FAM169A: variants seen among roughly 807,000 people sequenced by gnomAD.
FAM169A encodes soluble lamin-associated protein of 75 kDa.
Under a neutral mutation model 75.7 loss-of-function variants are expected in FAM169A, and 24 were observed. The observed-to-expected ratio is 0.32, with a 90% confidence interval of 0.23 to 0.45. The LOEUF (loss-of-function observed/expected upper bound fraction) is 0.45. Among genes scored for constraint, FAM169A ranks in the 20% least tolerant of loss-of-function variants. The pLI is 1.00. For missense variants in FAM169A, 673 were observed against 784.0 expected (o/e 0.86, Z 1.69); for synonymous variants, 271 against 271.0 (o/e 1.00, Z 0.00).
At chr5:74,827,183 T>G (rs1228867423) in intron 5 of FAM169A, among the ~76,000 whole-genome samples, 1 of 152,208 alleles carries the variant, frequency 6.6e-6, no homozygotes, top group Non-Finnish European at 1.5e-5. Context: ...GGTTTCTCTG[T>G]GTAAATTTAC....
chr5:74,833,494 A>G (rs977524424), intron 5 of FAM169A, among the ~76,000 whole-genome samples: 2 of 152,200 alleles, frequency 1.3e-5, no homozygotes, highest in Admixed American at 6.5e-5. Context: ...ATTCTTGGGA[A>G]AAAATGACCT....
At position 74,782,936 on chromosome 5, in the gene FAM169A, C is replaced by A; in HGVS notation, c.1459G>T (p.Asp487Tyr). 1 of 1,609,890 alleles carries A rather than the reference C, an allele frequency of 6.2e-7. No individual in the cohort carries two copies. Among genetic ancestry groups the A allele is most frequent in the Middle Eastern group, 1.7e-4 (1 of 5,922 alleles). ...ATAGCTCATTGCCCCCTTACCTTAT[C>A]TGGTGCATCTACCTCAGGGGGTTTT... The part of the protein sequence containing the change: ...SSKPPEVDAP[D>Y]KTPRIPDSEM... Residue 487 changes from aspartate (D) to tyrosine (Y), a missense_variant, in exon 12 of 13, where the codon GAT becomes TAT. Physicochemically the swap from Asp to Tyr is radical, Grantham distance 160 (BLOSUM62 -3). Around this residue, in one of 3 missense-constraint regions of FAM169A, gnomAD observed 510 missense variants for 550.9 expected, o/e 0.93. Coordinates refer to ENST00000687041, the MANE Select transcript of FAM169A (RefSeq NM_001376049.1).
intron 6 of FAM169A, among the ~76,000 whole-genome samples, chr5:74,810,692 G>A (rs1454189445): frequency 7.2e-6 from 1 of 138,468 alleles, no homozygotes; most frequent in East Asian, 2.2e-4. Context: ...AGAGCTTGCA[G>A]TGAGCCGAGT....
intron 1 of FAM169A, among the ~76,000 whole-genome samples, chr5:74,859,535 G>T (rs539707686): frequency 1.3e-5 from 2 of 151,962 alleles, no homozygotes. Flanking sequence ...TGATCCACCC[G>T]CCTTGGCCTC....
At chr5:74,866,713 G>C, upstream of FAM169A, 2 of 977,806 alleles carry the variant, frequency 2.0e-6, no homozygotes, top group Non-Finnish European at 2.4e-6. Flanking sequence ...AGCCGCGGGG[G>C]CTGCAACGCT....
At chr5:74,838,585 G>T (rs955993192) in intron 4 of FAM169A, among the ~76,000 whole-genome samples, 1 of 152,102 alleles carries the variant, frequency 6.6e-6, no homozygotes, top group African/African-American at 2.4e-5. Flanking sequence ...ACACTATATA[G>T]ACCACCTGAA....
intron 1 of FAM169A, among the ~76,000 whole-genome samples, chr5:74,857,034 C>T (rs1055432200): frequency 2.7e-5 from 4 of 147,344 alleles, no homozygotes; most frequent in South Asian, 2.2e-4. Flanking sequence ...GTGTGAATCC[C>T]GGAGCCGGAG....
chr5:74,804,326 A>C (rs1746740653), intron 8 of FAM169A, among the ~76,000 whole-genome samples, 167 bp downstream of exon 8: 1 of 152,202 alleles, frequency 6.6e-6, no homozygotes, highest in Admixed American at 6.5e-5. Flanking sequence ...AGAAAATTAA[A>C]GTCCTTAGTA....
intron 1 of FAM169A, among the ~76,000 whole-genome samples, chr5:74,850,043 G>A (rs559047316): frequency 5.3e-5 from 8 of 152,310 alleles, no homozygotes; most frequent in South Asian, 4.1e-4. Context: ...ATCTTTTGAA[G>A]TTATAACCAC....
intron 5 of FAM169A, among the ~76,000 whole-genome samples, chr5:74,815,577 G>A (rs993672025): frequency 3.3e-5 from 5 of 152,124 alleles, no homozygotes; most frequent in Non-Finnish European, 7.3e-5. Context: ...TGTCAGAGGC[G>A]TTTGAACTAG....
At chr5:74,816,587 C>T (rs899201439) in intron 5 of FAM169A, among the ~76,000 whole-genome samples, 1 of 152,166 alleles carries the variant, frequency 6.6e-6, no homozygotes, top group Non-Finnish European at 1.5e-5. Context: ...CATATTAATA[C>T]TTCTGCTCTC....
intron 1 of FAM169A, among the ~76,000 whole-genome samples, chr5:74,849,430 T>G (rs1341843699): frequency 6.6e-6 from 1 of 152,098 alleles, no homozygotes; most frequent in Non-Finnish European, 1.5e-5. Context: ...CTGCTATTAT[T>G]TGGGGGCTTT....
intron 1 of FAM169A, among the ~76,000 whole-genome samples, chr5:74,847,614 A>G (rs1218993831): frequency 6.6e-6 from 1 of 152,226 alleles, no homozygotes; most frequent in South Asian, 2.1e-4. Context: ...TAAATTTCCT[A>G]TAATTTAAAT....
At chr5:74,809,906 T>TA (rs1466392523) in intron 6 of FAM169A, among the ~76,000 whole-genome samples, 1 of 152,178 alleles carries the variant, frequency 6.6e-6, no homozygotes, top group Non-Finnish European at 1.5e-5. Flanking sequence ...CGAAATGACA[T>TA]AACTACTTAG....
chr5:74,863,725 A>C (rs575865939), intron 1 of FAM169A, among the ~76,000 whole-genome samples: 5 of 152,334 alleles, frequency 3.3e-5, no homozygotes, highest in Middle Eastern at 3.4e-3. Flanking sequence ...TCAAAATCTC[A>C]AGCAACTTCA....
intron 5 of FAM169A, among the ~76,000 whole-genome samples, chr5:74,830,304 C>T (rs1009929353): frequency 1.3e-5 from 2 of 152,078 alleles, no homozygotes; most frequent in African/African-American, 4.8e-5. Flanking sequence ...TCTTCAATGT[C>T]GAACATGATG....
chr5:74,785,328 A>C (rs1184469057), intron 11 of FAM169A, among the ~76,000 whole-genome samples: 1 of 152,254 alleles, frequency 6.6e-6, no homozygotes. Flanking sequence ...CAAAAGAAAA[A>C]AAAGAAAACC....
chr5:74,811,341 G>GT (rs1310142755), intron 6 of FAM169A, among the ~76,000 whole-genome samples: 1 of 152,138 alleles, frequency 6.6e-6, no homozygotes, highest in African/African-American at 2.4e-5. Context: ...ACAGAAGAGA[G>GT]TAAGTGCTAA....
intron 6 of FAM169A, among the ~76,000 whole-genome samples, chr5:74,810,974 AT>A (rs764689046): frequency 0.091 from 9,105 of 99,772 alleles, 906 homozygotes; most frequent in African/African-American, 0.29. Flanking sequence ...CTAGGCCTGG[AT>A]TTTTTTTTTT....
Sources: allele counts gnomAD v4.1 joint callset (sites outside exome capture counted in the v4.1 genomes callset), GRCh38; gene constraint gnomAD v4.1.1; regional missense constraint gnomAD v4.1.1; transcripts MANE v1.5; gene names NCBI Gene and HGNC (gene_info 2026-07-23, HGNC 2026-07-21).